EGFR: variants seen among roughly 807,000 people sequenced by gnomAD.
EGFR encodes epidermal growth factor receptor.
A neutral mutation model predicts 143.0 loss-of-function variants in EGFR; 58 were observed. That is an observed-to-expected ratio of 0.41 (90% CI 0.33 to 0.50). EGFR has a LOEUF of 0.50. Ranked by LOEUF, EGFR falls within the 20% of genes least tolerant of loss-of-function variation. The probability of loss-of-function intolerance (pLI) is 0.39; values close to 1 mark genes in which losing one functional copy is unlikely to be tolerated. For missense variants in EGFR, 1,307 were observed against 1,579.0 expected, an observed-to-expected ratio of 0.83 and a Z score of 2.92; for synonymous variants, 613 against 594.4, an observed-to-expected ratio of 1.03 and a Z score of -0.45.
At chr7:55,043,644 G>A (rs2128870517) in intron 1 of EGFR, among the ~76,000 whole-genome samples, 1 of 152,278 alleles carries the variant, frequency 6.6e-6, no homozygotes, top group African/African-American at 2.4e-5. Context: ...GATTACAGGT[G>A]TGAGCCACCG....
At chr7:55,104,187 G>A (rs749796029) in intron 1 of EGFR, among the ~76,000 whole-genome samples, 2 of 152,200 alleles carry the variant, frequency 1.3e-5, no homozygotes, top group Non-Finnish European at 2.9e-5. Context: ...TATCCCGAGT[G>A]CTTTGGCCCC....
intron 19 of EGFR, 147 bp downstream of exon 19, chr7:55,174,967 G>C (rs2128955159): frequency 1.4e-6 from 1 of 711,566 alleles, no homozygotes; most frequent in South Asian, 1.5e-5. Flanking sequence ...TCTAGCTCTA[G>C]TGGGTATAAC....
intron 1 of EGFR, among the ~76,000 whole-genome samples, chr7:55,096,481 A>G (rs1477389972): frequency 2.0e-5 from 3 of 152,166 alleles, no homozygotes; most frequent in African/African-American, 7.2e-5. Context: ...TAAAAATAAC[A>G]TCAGGCGATG....
At chr7:55,074,921 AT>A (rs1431963133) in intron 1 of EGFR, among the ~76,000 whole-genome samples, 1 of 152,232 alleles carries the variant, frequency 6.6e-6, no homozygotes, top group Non-Finnish European at 1.5e-5. Flanking sequence ...TTAGAAATCT[AT>A]TTTAGAAATC....
At chr7:55,168,227 A>T (rs539665246) in intron 15 of EGFR, among the ~76,000 whole-genome samples, 14 of 152,362 alleles carry the variant, frequency 9.2e-5, no homozygotes, top group African/African-American at 3.1e-4. Context: ...TAAGCCTCTG[A>T]AACAGAATTA....
intron 18 of EGFR, among the ~76,000 whole-genome samples, 187 bp downstream of exon 18, chr7:55,174,230 A>C (rs1221903299): frequency 2.0e-5 from 3 of 152,212 alleles, no homozygotes; most frequent in African/African-American, 7.2e-5. Flanking sequence ...CACAGTAATC[A>C]GTGGTCCTGT....
chr7:55,171,289 G>A (rs2128951526), intron 16 of EGFR, 76 bp downstream of exon 16: 1 of 1,585,598 alleles, frequency 6.3e-7, no homozygotes, highest in Non-Finnish European at 8.7e-7. Context: ...ATGCTTTCCT[G>A]CATTTCTGAC....
intron 1 of EGFR, among the ~76,000 whole-genome samples, chr7:55,081,085 C>T (rs1790438343): frequency 6.6e-6 from 1 of 152,190 alleles, no homozygotes; most frequent in Admixed American, 6.5e-5. Flanking sequence ...CACTTAATTG[C>T]CACATTTTTG....
rs1232635637 is a variant in EGFR, at chr7:55,021,756, G to A, written c.88+2391G>A. Among the ~76,000 whole-genome samples the A allele has an allele frequency of 3.3e-5, 5 of 152,136 alleles. No individual in the cohort carries two copies. The East Asian group carries it at 7.7e-4, about 23-fold the overall frequency. Reference sequence around the variant, plus strand: ...ACTTCTAGACTTGCTGCTCTTAGAGGTAATGACTGCCAGACACCATTTCAT... The same window carrying A: ...ACTTCTAGACTTGCTGCTCTTAGAGATAATGACTGCCAGACACCATTTCAT... On this transcript the variant is annotated intron_variant, in intron 1 of 27. Coordinates refer to ENST00000275493, the MANE Select transcript of EGFR (RefSeq NM_005228.5).
chr7:55,101,424 C>T (rs926450052), intron 1 of EGFR, among the ~76,000 whole-genome samples: 1 of 152,236 alleles, frequency 6.6e-6, no homozygotes, highest in African/African-American at 2.4e-5. Flanking sequence ...AGGCTGAGTT[C>T]TGTATTTTAA....
At chr7:55,033,351 T>TG (rs1172693825) in intron 1 of EGFR, among the ~76,000 whole-genome samples, 3 of 152,170 alleles carry the variant, frequency 2.0e-5, no homozygotes, top group Non-Finnish European at 2.9e-5. Context: ...TCTTGCTCCC[T>TG]GTGAAGCACA....
intron 1 of EGFR, among the ~76,000 whole-genome samples, chr7:55,053,756 C>G (rs929316691): frequency 6.6e-6 from 1 of 152,246 alleles, no homozygotes; most frequent in Non-Finnish European, 1.5e-5. Flanking sequence ...GCTGCTTTGT[C>G]GCAGGAACCT....
Position 55,019,119 on chromosome 7 carries a change from C to A in EGFR, c.-159C>A, listed in dbSNP as rs1397255836. 3 of 413,294 alleles carry A rather than the reference C, an allele frequency of 7.3e-6. No homozygotes were observed. The highest frequency in any genetic ancestry group is 1.2e-5 in the Non-Finnish European group (3 of 250,374). The allele number at this position is 413,294 out of a possible 1,614,324, so 25.6% of individuals were successfully genotyped here. The stretch of plus-strand genomic sequence containing the variant: ...CGAGGCGGCCGGAGTCCCGAGCTAG[C>A]CCCGGCGGCCGCCGCCGCCCAGACC... On this transcript the variant is annotated 5_prime_UTR_variant, in exon 1 of 28. Coordinates refer to ENST00000275493, the MANE Select transcript of EGFR (RefSeq NM_005228.5).
chr7:55,157,068 C>G, intron 10 of EGFR: 1 of 1,045,922 alleles, frequency 9.6e-7, no homozygotes, highest in East Asian at 2.9e-5. Flanking sequence ...CCCTCCCGCC[C>G]GGCCCCAGCC....
intron 1 of EGFR, among the ~76,000 whole-genome samples, chr7:55,036,279 G>T (rs557182818): frequency 1.1e-5 from 1 of 88,456 alleles, no homozygotes; most frequent in Non-Finnish European, 2.3e-5. Context: ...TGTGGGGGGG[G>T]GGGGGTGGGT....
chr7:55,157,848 C>T (rs575785248), intron 11 of EGFR, 95 bp downstream of exon 11: 11 of 1,218,698 alleles, frequency 9.0e-6, no homozygotes, highest in Non-Finnish European at 1.1e-5. Flanking sequence ...GGGCACAGAG[C>T]TCCTGCATCT....
chr7:55,116,959 TC>T lies in EGFR; in HGVS notation c.89-25324del, dbSNP rs767395152. On this transcript the variant is annotated intron_variant, in intron 1 of 27. Transcript: ENST00000275493. ...TGCAGTTACAAGTTTATGAATATTG[TC>T]CCACGTGTCCCTGGTGAACTTTTGT... 5.4e-4 allele frequency among the ~76,000 whole-genome samples: 83 copies of T among 152,342 alleles called. 1 individual carries two copies. The Middle Eastern group carries it at 0.02, about 37-fold the overall frequency.
At chr7:55,195,719 T>A (rs1787587097) in intron 22 of EGFR, among the ~76,000 whole-genome samples, 1 of 152,186 alleles carries the variant, frequency 6.6e-6, no homozygotes, top group African/African-American at 2.4e-5. Context: ...CCCCTCTAAG[T>A]GTCCATGTGT....
intron 5 of EGFR, among the ~76,000 whole-genome samples, chr7:55,151,977 C>T (rs1785181883): frequency 6.6e-6 from 1 of 152,228 alleles, no homozygotes; most frequent in Non-Finnish European, 1.5e-5. Context: ...AGACTTGCTC[C>T]TGTTGACAGC....
Sources: allele counts gnomAD v4.1 joint callset (sites outside exome capture counted in the v4.1 genomes callset), GRCh38; gene constraint gnomAD v4.1.1; transcripts MANE v1.5; gene names NCBI Gene and HGNC (gene_info 2026-07-23, HGNC 2026-07-21).